LY75: variants seen among roughly 807,000 people sequenced by gnomAD.
The protein encoded by LY75 is C-type lectin domain family 13 member B.
In LY75, 185 loss-of-function variants were observed where a neutral mutation model predicts 231.7. The observed-to-expected ratio is 0.80, with a 90% CI of 0.71 to 0.90. The LOEUF (loss-of-function observed/expected upper bound fraction) is 0.90. Among genes scored for constraint, LY75 ranks in the 40% least tolerant of loss-of-function variants. LY75 has a pLI of 0.00. For missense variants in LY75, 1,947 were observed against 2,050.2 expected (o/e 0.95, Z 0.97); for synonymous variants, 668 against 689.0 (o/e 0.97, Z 0.48).
chr2:159,813,239 G>A lies in LY75; in HGVS notation c.4549+2166C>T, dbSNP rs548261584. Among the ~76,000 whole-genome samples the A allele has an allele frequency of 2.0e-5, 3 of 152,008 alleles. No homozygotes were observed. In the South Asian group the frequency reaches 6.2e-4, roughly 32 times the overall value. On this transcript the variant is annotated intron_variant, in intron 31 of 34. Coordinates refer to ENST00000263636, the MANE Select transcript of LY75 (RefSeq NM_002349.4). ...TTTTGAAGAATTGCCACACCATTTTGCACAGTGGTTACACTGTTTTATATT... is the reference window on the plus strand; with the variant it reads ...TTTTGAAGAATTGCCACACCATTTTACACAGTGGTTACACTGTTTTATATT...
At chr2:159,843,507 G>A (rs34228240) in intron 23 of LY75, among the ~76,000 whole-genome samples, 7,117 of 149,286 alleles carry the variant, frequency 0.048, 505 homozygotes, top group African/African-American at 0.16. Flanking sequence ...TTTTTTTACT[G>A]TCTGTCAGGT....
At chr2:159,853,725 T>A in intron 18 of LY75, 28 bp from the exon 19 acceptor site, 1 of 1,612,784 alleles carries the variant, frequency 6.2e-7, no homozygotes, top group Non-Finnish European at 8.5e-7. Context: ...CATCCATCCT[T>A]ATATGTGCTG....
chr2:159,853,241 A>C (rs377327681), intron 20 of LY75, 32 bp downstream of exon 20: 2 of 1,586,918 alleles, frequency 1.3e-6, no homozygotes, highest in African/African-American at 2.7e-5. Context: ...ATATTACATA[A>C]TCAGCATTAA....
intron 8 of LY75, among the ~76,000 whole-genome samples, chr2:159,879,640 G>C (rs1284817843): frequency 6.6e-6 from 1 of 152,018 alleles, no homozygotes; most frequent in East Asian, 1.9e-4. Context: ...AGCACACTTA[G>C]TATAAAAGTT....
intron 28 of LY75, among the ~76,000 whole-genome samples, chr2:159,828,866 C>A (rs760101654): frequency 7.9e-5 from 12 of 152,110 alleles, no homozygotes; most frequent in Non-Finnish European, 1.5e-4. Context: ...ACCTTAAAAT[C>A]TTTATGCTTA....
intron 28 of LY75, among the ~76,000 whole-genome samples, chr2:159,825,194 AATAG>A (rs1574532315): frequency 1.3e-5 from 2 of 152,322 alleles, no homozygotes; most frequent in South Asian, 2.1e-4. Flanking sequence ...AGATGAATAA[AATAG>A]ATAGACCACT....
chr2:159,899,160 C>T (rs2125886817), intron 1 of LY75, 101 bp from the exon 2 acceptor site: 1 of 1,514,664 alleles, frequency 6.6e-7, no homozygotes, highest in Non-Finnish European at 8.8e-7. Context: ...TTCCCATCCT[C>T]AGTCTGTTCC....
chr2:159,812,178 T>A (rs2125828661), intron 31 of LY75: 1 of 152,192 alleles, frequency 6.6e-6, no homozygotes, highest in Non-Finnish European at 1.5e-5. Context: ...CATAAGGAAC[T>A]GCCTTATCTT....
At chr2:159,868,449 T>G (rs1177192163) in intron 13 of LY75, among the ~76,000 whole-genome samples, 1 of 152,210 alleles carries the variant, frequency 6.6e-6, no homozygotes, top group Non-Finnish European at 1.5e-5. Context: ...ACTATGTTTA[T>G]AATCAGGAGC....
chr2:159,842,957 C>A (rs1684084742), intron 23 of LY75, among the ~76,000 whole-genome samples: 2 of 149,154 alleles, frequency 1.3e-5, no homozygotes, highest in African/African-American at 2.5e-5. Context: ...GAGATACTGA[C>A]AAAAAAAAAT....
chr2:159,880,939 A>G (rs1685416667), intron 8 of LY75, 144 bp downstream of exon 8: 1 of 973,766 alleles, frequency 1.0e-6, no homozygotes, highest in Admixed American at 2.9e-5. Context: ...TTAACAGGTA[A>G]TGGTCCGTGG....
chr2:159,888,217 G>A (rs1574595610), intron 4 of LY75, among the ~76,000 whole-genome samples: 1 of 152,140 alleles, frequency 6.6e-6, no homozygotes, highest in African/African-American at 2.4e-5. Context: ...AGAGGGGTAC[G>A]TAGTATAACA....
rs576980142 is a variant in LY75 at position 159,819,997 on chromosome 2, A to G, written c.3959-77T>C. On this transcript the variant is annotated intron_variant, in intron 28 of 34. Coordinates refer to ENST00000263636, the MANE Select transcript of LY75 (RefSeq NM_002349.4). The stretch of plus-strand genomic sequence containing the variant: ...TTACACTTATACAGTTAAGATTTCA[A>G]ACTTGACTAATTTTCTCTTTTCCCA... 4 of 1,385,140 alleles carry G rather than the reference A, an allele frequency of 2.9e-6. No individual in the cohort carries two copies. The South Asian group carries it at 6.8e-5, about 24-fold the overall frequency. 85.8% of individuals were successfully genotyped at this position (1,385,140 alleles called of 1,614,324 possible).
chr2:159,901,634 C>T (rs3792199), intron 1 of LY75, among the ~76,000 whole-genome samples: 32,621 of 152,144 alleles, frequency 0.21, 3,996 homozygotes, highest in Admixed American at 0.36. Context: ...GTTAGGAGTC[C>T]GAGATTGAAA....
chr2:159,874,075 T>TATAAACGTGTATATATTTTGTAAAA (rs1685102689), intron 12 of LY75, among the ~76,000 whole-genome samples: 1 of 50,638 alleles, frequency 2.0e-5, no homozygotes, highest in Non-Finnish European at 4.4e-5. Context: ...TTTGTAAAAA[T>TATAAACGTGTATATATTTTGTAAAA]ATATAAACGT....
chr2:159,898,661 C>T (rs377072754), intron 2 of LY75, 27 bp downstream of exon 2: 44 of 1,581,878 alleles, frequency 2.8e-5, no homozygotes, highest in African/African-American at 6.7e-5. Flanking sequence ...AACAGCAAAT[C>T]GGTCAAAGTC....
intron 23 of LY75, among the ~76,000 whole-genome samples, chr2:159,845,964 C>CTT (rs200888311): frequency 2.6e-5 from 4 of 151,608 alleles, no homozygotes; most frequent in African/African-American, 7.3e-5. Flanking sequence ...TGTTTTCTCT[C>CTT]TCTTTTTTTT....
chr2:159,842,160 C>T, intron 24 of LY75, 85 bp downstream of exon 24: 1 of 1,475,414 alleles, frequency 6.8e-7, no homozygotes, highest in South Asian at 1.3e-5. Context: ...TCCCCTCCCT[C>T]CCTATAGAAA....
At chr2:159,816,088 T>G (rs1000086947) in intron 30 of LY75, among the ~76,000 whole-genome samples, 1 of 152,178 alleles carries the variant, frequency 6.6e-6, no homozygotes, top group African/African-American at 2.4e-5. Flanking sequence ...GAATTTATAA[T>G]CTTAACTTGC....
Sources: gnomAD v4.1 joint callset for allele counts (sites outside exome capture counted in the v4.1 genomes callset) on GRCh38, gnomAD v4.1.1 for gene constraint, MANE v1.5 for transcripts, NCBI Gene and HGNC (gene_info 2026-07-23, HGNC 2026-07-21) for gene names.